The following ECHDC1 variants were observed in gnomAD, a reference collection of about 807,000 sequenced individuals.
The protein encoded by ECHDC1 is ethylmalonyl-CoA decarboxylase 1.
A neutral mutation model predicts 29.7 loss-of-function variants in ECHDC1; 29 were observed. That is an observed-to-expected ratio of 0.98 (90% CI 0.73 to 1.33). The LOEUF is 1.33. ECHDC1 is among the 40% of genes most tolerant of loss of function. The pLI, the probability that ECHDC1 is intolerant of heterozygous loss-of-function variation, is 0.00. For synonymous variants in ECHDC1, 126 were observed against 123.1 expected (o/e 1.02, Z -0.15); for missense variants, 328 against 350.0 (o/e 0.94, Z 0.50).
At chr6:127,309,006 C>T (rs1407752126) in intron 5 of ECHDC1, among the ~76,000 whole-genome samples, 1 of 152,080 alleles carries the variant, frequency 6.6e-6, no homozygotes, top group Admixed American at 6.6e-5. Context: ...GAAGAATCAA[C>T]ATTGTTAAAA....
chr6:127,336,915 T>C (rs146999073), intron 1 of ECHDC1, among the ~76,000 whole-genome samples: 1 of 152,258 alleles, frequency 6.6e-6, no homozygotes, highest in Non-Finnish European at 1.5e-5. Context: ...AATTTCAGAC[T>C]TTATTGAGAA....
rs968243109 is a variant in ECHDC1, at chr6:127,290,885, G to C, written c.498-608C>G. Among the ~76,000 whole-genome samples the C allele has an allele frequency of 2.0e-4, 30 of 152,054 alleles. 1 individual carries two copies. The highest frequency in any genetic ancestry group is 8.8e-5 in the Non-Finnish European group (6 of 67,986). ...TATAGCAAAAAGAGAAAAAGAAAAT[G>C]AGGCAGGAGACAAATGAATTGAGGA... On this transcript the variant is annotated intron_variant, in intron 5 of 5. Transcript: ENST00000454859.
At chr6:127,299,529 A>G (rs1780892043) in intron 5 of ECHDC1, among the ~76,000 whole-genome samples, 1 of 152,024 alleles carries the variant, frequency 6.6e-6, no homozygotes, top group South Asian at 2.1e-4. Context: ...AAAAAAGAAA[A>G]TACTTTCGTT....
In ECHDC1 at chr6:127,327,062, T is replaced by G. The variant is rs893562439; in HGVS notation, c.303A>C (p.Ala101=). Residue 101 remains alanine (A), a synonymous_variant, in exon 3 of 6, where the codon GCA becomes GCC. Transcript: ENST00000454859. ...TEGKGLIVRG[A]KNTFSSGSDL... is the part of the protein sequence containing the mutation. The stretch of plus-strand genomic sequence containing the variant: ...CAGATCCTGAAGAGAAAGTATTTTT[T>G]GCCCCACGGACAATGAGGCCTTTCC... 1 of 1,614,008 alleles carries G rather than the reference T, an allele frequency of 6.2e-7. No homozygotes were observed. The highest frequency in any genetic ancestry group is 1.3e-5 in the African/African-American group (1 of 74,936).
rs564142673 is a variant in ECHDC1, at chr6:127,306,311, T to C, written c.497+8505A>G. On this transcript the variant is annotated intron_variant, in intron 5 of 5. Coordinates refer to ENST00000454859, the MANE Select transcript of ECHDC1 (RefSeq NM_001002030.2). Reference sequence around the variant, plus strand: ...ACCCAGATATATACAGGAAACATTATTAGAGCTAAAGTGAGAGATAGGCCC... The same window carrying C: ...ACCCAGATATATACAGGAAACATTACTAGAGCTAAAGTGAGAGATAGGCCC... Among the ~76,000 whole-genome samples the C allele has an allele frequency of 3.9e-5, 6 of 152,238 alleles. No homozygotes were observed. In the East Asian group the frequency reaches 1.2e-3, roughly 29 times the overall value.
At chr6:127,293,555 T>A (rs1780362369) in intron 5 of ECHDC1, among the ~76,000 whole-genome samples, 1 of 152,302 alleles carries the variant, frequency 6.6e-6, no homozygotes, top group East Asian at 1.9e-4. Context: ...ACTTAACATC[T>A]CTGTGTCTCT....
At chr6:127,292,624 T>C (rs1780289408) in intron 5 of ECHDC1, among the ~76,000 whole-genome samples, 1 of 152,142 alleles carries the variant, frequency 6.6e-6, no homozygotes, top group Admixed American at 6.5e-5. Context: ...TTTACAGGAC[T>C]CTTTTAACCT....
At chr6:127,319,692 T>C (rs1379706470) in intron 3 of ECHDC1, among the ~76,000 whole-genome samples, 1 of 152,192 alleles carries the variant, frequency 6.6e-6, no homozygotes, top group Admixed American at 6.5e-5. Flanking sequence ...CCTGCTCTAA[T>C]GTATAAAAGC....
chr6:127,297,904 C>T (rs1287103949), intron 5 of ECHDC1, among the ~76,000 whole-genome samples: 1 of 152,182 alleles, frequency 6.6e-6, no homozygotes, highest in Non-Finnish European at 1.5e-5. Context: ...AACTTTGACT[C>T]CAACCTCCCC....
chr6:127,310,671 G>C (rs2114605268), intron 5 of ECHDC1, among the ~76,000 whole-genome samples: 1 of 152,326 alleles, frequency 6.6e-6, no homozygotes, highest in Non-Finnish European at 1.5e-5. Context: ...CTGTTGAAAT[G>C]ACAACAAAGG....
rs1017113175 is a variant in ECHDC1, at chr6:127,310,395, T to TA, written c.497+4420dup. Among the ~76,000 whole-genome samples the TA allele has an allele frequency of 1.6e-3, 231 of 146,838 alleles. 1 individual carries two copies. Among genetic ancestry groups the TA allele is most frequent in the South Asian group, 5.0e-3 (23 of 4,634 alleles). On this transcript the variant is annotated intron_variant, in intron 5 of 5. Coordinates refer to ENST00000454859, the MANE Select transcript of ECHDC1 (RefSeq NM_001002030.2). ...CTATGTACTCATGAAAGTTAAAAATTAAAAAAAAAAAGTTGTTTTCAATCC... is the reference window on the plus strand; with the variant it reads ...CTATGTACTCATGAAAGTTAAAAATTAAAAAAAAAAAAGTTGTTTTCAATCC...
At chr6:127,299,148 T>C (rs1247497041) in intron 5 of ECHDC1, among the ~76,000 whole-genome samples, 1 of 152,186 alleles carries the variant, frequency 6.6e-6, no homozygotes, top group Non-Finnish European at 1.5e-5. Context: ...ATTGCAGGCA[T>C]AAGCCACCAC....
chr6:127,311,751 A>T (rs1214523106), intron 5 of ECHDC1, among the ~76,000 whole-genome samples: 1 of 145,362 alleles, frequency 6.9e-6, no homozygotes, highest in Non-Finnish European at 1.5e-5. Flanking sequence ...CTATATTTAT[A>T]TCAGAAAAAA....
chr6:127,329,068 AAAAC>A (rs1184389580), intron 2 of ECHDC1, among the ~76,000 whole-genome samples: 12 of 152,114 alleles, frequency 7.9e-5, no homozygotes, highest in African/African-American at 2.9e-4. Context: ...ATAAATAAAA[AAAAC>A]AATGTTGGCC....
At chr6:127,324,870 G>C (rs1477673800) in intron 3 of ECHDC1, among the ~76,000 whole-genome samples, 1 of 152,132 alleles carries the variant, frequency 6.6e-6, no homozygotes, top group Admixed American at 6.6e-5. Context: ...ATAAGTATGT[G>C]AGTAAATGGG....
intron 5 of ECHDC1, among the ~76,000 whole-genome samples, chr6:127,311,097 A>C (rs1781863980): frequency 2.0e-5 from 3 of 152,206 alleles, no homozygotes; most frequent in Non-Finnish European, 2.9e-5. Context: ...CGTGTGACTC[A>C]CTTTATTGTG....
At chr6:127,305,038 T>C (rs1470190845) in intron 5 of ECHDC1, among the ~76,000 whole-genome samples, 3 of 152,112 alleles carry the variant, frequency 2.0e-5, no homozygotes, top group Non-Finnish European at 4.4e-5. Context: ...TAGAGATAGA[T>C]ATCAATATCC....
chr6:127,305,856 A>G (rs991877704), intron 5 of ECHDC1, among the ~76,000 whole-genome samples: 1 of 152,060 alleles, frequency 6.6e-6, no homozygotes, highest in African/African-American at 2.4e-5. Flanking sequence ...CACTGAGAAC[A>G]TCATCATCAC....
intron 5 of ECHDC1, among the ~76,000 whole-genome samples, chr6:127,305,403 T>C (rs1464999513): frequency 6.6e-6 from 1 of 152,160 alleles, no homozygotes; most frequent in Non-Finnish European, 1.5e-5. Context: ...ACACCAGACC[T>C]GTCCTACAAG....
Sources: gnomAD v4.1 joint callset for allele counts (sites outside exome capture counted in the v4.1 genomes callset) on GRCh38, gnomAD v4.1.1 for gene constraint, MANE v1.5 for transcripts, NCBI Gene and HGNC (gene_info 2026-07-23, HGNC 2026-07-21) for gene names.